The following NAV1 variants were observed in gnomAD, a reference collection of about 807,000 sequenced individuals.
NAV1 encodes the protein neuron navigator 1, also known as pore membrane and/or filament interacting like protein 3.
NAV1 carries 18 observed loss-of-function variants against 175.2 expected under a neutral mutation model. The ratio of observed to expected loss-of-function variants is 0.10; its 90% CI spans 0.07 to 0.15. NAV1 has a LOEUF of 0.15. Among genes scored for constraint, NAV1 ranks in the 10% least tolerant of loss-of-function variants. The pLI, the probability that NAV1 is intolerant of heterozygous loss-of-function variation, is 1.00. For synonymous variants in NAV1, 897 were observed against 978.7 expected (o/e 0.92, Z 1.56); for missense variants, 1,731 against 2,436.6 (o/e 0.71, Z 6.10).
At chr1:201,777,716 C>G (rs1330030453) in intron 3 of NAV1, among the ~76,000 whole-genome samples, 3 of 151,936 alleles carry the variant, frequency 2.0e-5, no homozygotes, top group African/African-American at 7.3e-5. Flanking sequence ...TTTGGGAGGC[C>G]AAGGTGGGTG....
chr1:201,777,234 A>G (rs577361970), intron 3 of NAV1, among the ~76,000 whole-genome samples: 2 of 152,372 alleles, frequency 1.3e-5, no homozygotes, highest in African/African-American at 2.4e-5. Context: ...TAAGTCAGGT[A>G]TAGAGAATCG....
At chr1:201,711,875 C>T (rs1671921647) in intron 1 of NAV1, among the ~76,000 whole-genome samples, 1 of 152,206 alleles carries the variant, frequency 6.6e-6, no homozygotes, top group African/African-American at 2.4e-5. Context: ...GAAGGAAGAA[C>T]ATTCTTTGAG....
At chr1:201,802,457 T>TAAA (rs34494216) in intron 15 of NAV1, among the ~76,000 whole-genome samples, 20,933 of 100,478 alleles carry the variant, frequency 0.21, 2,577 homozygotes, top group Non-Finnish European at 0.26. Flanking sequence ...CCTGTCTCAT[T>TAAA]AAAAAAAAAA....
At chr1:201,598,895 T>C (rs886877473) in intron 2 of NAV1, among the ~76,000 whole-genome samples, 3 of 152,150 alleles carry the variant, frequency 2.0e-5, no homozygotes, top group African/African-American at 7.2e-5. Context: ...CTGGAGCTGA[T>C]AGGCTATACA....
intron 3 of NAV1, among the ~76,000 whole-genome samples, chr1:201,756,611 C>T (rs756916892): frequency 6.6e-6 from 1 of 152,202 alleles, no homozygotes; most frequent in Non-Finnish European, 1.5e-5. Context: ...TACTTCCTTG[C>T]TGCCTAGCTT....
In NAV1 at chr1:201,566,764, C is replaced by T. The variant is rs1164153930; in HGVS notation, c.-143-21775C>T. On this transcript the variant is annotated intron_variant, in intron 1 of 33. Coordinates refer to the NAV1 transcript ENST00000685211. ...TTGAAGTAGCCATAATCCCCCACTC[C>T]AGAAGCAAACACTGTTAACATTTCC... Among the ~76,000 whole-genome samples the T allele has an allele frequency of 2.0e-5, 3 of 152,040 alleles. No homozygotes were observed. The East Asian group carries it at 5.8e-4, about 30-fold the overall frequency.
At chr1:201,686,534 G>T (rs975505218) in intron 1 of NAV1, among the ~76,000 whole-genome samples, 1 of 152,244 alleles carries the variant, frequency 6.6e-6, no homozygotes, top group Non-Finnish European at 1.5e-5. Context: ...TGCACTGGTA[G>T]ATACTTTGTC....
intron 1 of NAV1, among the ~76,000 whole-genome samples, chr1:201,659,891 G>A (rs749218526): frequency 1.5e-4 from 23 of 152,200 alleles, no homozygotes; most frequent in Non-Finnish European, 2.8e-4. Context: ...GCCACTGGCT[G>A]TTCCAGTTGC....
intron 1 of NAV1, among the ~76,000 whole-genome samples, chr1:201,672,544 G>A (rs530600489): frequency 6.6e-6 from 1 of 152,262 alleles, no homozygotes; most frequent in South Asian, 2.1e-4. Context: ...CCTTCTATGA[G>A]GTAGATGTTA....
chr1:201,689,853 C>T (rs371697446), intron 1 of NAV1, among the ~76,000 whole-genome samples: 43 of 152,310 alleles, frequency 2.8e-4, no homozygotes, highest in African/African-American at 9.9e-4. Context: ...ATTCTGCTCC[C>T]CAGAGTGTGT....
chr1:201,770,820 T>G (rs1340671789), intron 3 of NAV1, among the ~76,000 whole-genome samples: 2 of 152,114 alleles, frequency 1.3e-5, no homozygotes, highest in Non-Finnish European at 2.9e-5. Context: ...GAGTACACAG[T>G]GGCAGCAAGC....
chr1:201,808,488 G>A lies in NAV1; in HGVS notation c.3916G>A (p.Glu1306Lys). 3 of 1,614,276 alleles carry A rather than the reference G, an allele frequency of 1.9e-6. No individual in the cohort carries two copies. Among genetic ancestry groups the A allele is most frequent in the Non-Finnish European group, 2.5e-6 (3 of 1,180,048 alleles). ...TGAGGAGGAGGAGCCAGAGAAGAAG[G>A]AGGTATCGGAGCTGCGCTCTGAGCT... Residue 1306 changes from glutamate (E) to lysine (K), a missense_variant, in exon 19 of 30, where the codon GAG becomes AAG. Around this residue, in one of 13 missense-constraint regions of NAV1, gnomAD observed 146 missense variants for 176.8 expected, o/e 0.83. Coordinates refer to ENST00000367296, the Ensembl canonical transcript of NAV1. This position sits in a 1 kb window ranked among gnomAD's most constrained non-coding sequence, Gnocchi z 5.5.
chr1:201,781,232 T>C, exon 5 of NAV1: 4 of 1,613,954 alleles, frequency 2.5e-6, no homozygotes, highest in Non-Finnish European at 2.5e-6. Context: ...CCTGGTTCCC[T>C]GAAGAAGGGC....
At chr1:201,697,202 T>TG (rs1310086218) in intron 1 of NAV1, among the ~76,000 whole-genome samples, 4 of 152,072 alleles carry the variant, frequency 2.6e-5, no homozygotes, top group Admixed American at 6.5e-5. Context: ...ATCCTGGAAA[T>TG]GGGGGGGCAT....
At chr1:201,731,613 A>C (rs886321352) in intron 3 of NAV1, among the ~76,000 whole-genome samples, 1 of 152,024 alleles carries the variant, frequency 6.6e-6, no homozygotes, top group Non-Finnish European at 1.5e-5. Context: ...GCCCTCTTTG[A>C]CTGCTCACCC....
intron 14 of NAV1, 126 bp from the exon 19 acceptor site, chr1:201,794,340 C>T: frequency 6.6e-6 from 5 of 758,984 alleles, no homozygotes; most frequent in Admixed American, 2.1e-5. Context: ...TTAATGGAGA[C>T]CAGGTGGCCA....
At chr1:201,728,435 T>C (rs1030194340) in intron 3 of NAV1, among the ~76,000 whole-genome samples, 4 of 151,476 alleles carry the variant, frequency 2.6e-5, no homozygotes, top group African/African-American at 4.9e-5. Context: ...CTACTAAAAA[T>C]ACAAAAAAAT....
rs556686272 is a variant in NAV1, at chr1:201,705,248, G to A, written c.758-7569G>A. 1.8e-4 allele frequency among the ~76,000 whole-genome samples: 28 copies of A among 152,282 alleles called. No individual in the cohort carries two copies. In the South Asian group the frequency reaches 5.2e-3, roughly 28 times the overall value. On this transcript the variant is annotated intron_variant, in intron 1 of 29. Coordinates refer to ENST00000367296, the Ensembl canonical transcript of NAV1. Reference sequence around the variant, plus strand: ...ATCTCACTCAGTGAAAATCAAAACCGTAGGTGATCTGGAAAGATACCTGCC... The same window carrying A: ...ATCTCACTCAGTGAAAATCAAAACCATAGGTGATCTGGAAAGATACCTGCC...
At chr1:201,561,247 A>C (rs1216680934) in intron 1 of NAV1, among the ~76,000 whole-genome samples, 1 of 152,210 alleles carries the variant, frequency 6.6e-6, no homozygotes, top group African/African-American at 2.4e-5. Context: ...CAGTCAATGA[A>C]GTAGTCCTAA....
Sources: gnomAD v4.1 joint callset for allele counts (sites outside exome capture counted in the v4.1 genomes callset) on GRCh38, gnomAD v4.1.1 for gene constraint, gnomAD v4.1.1 regional missense constraint, Gnocchi (gnomAD v3.1) non-coding constraint, MANE v1.5 for transcripts, NCBI Gene and HGNC (gene_info 2026-07-23, HGNC 2026-07-21) for gene names.